The following VAV1 variants were observed in gnomAD, a reference collection of about 807,000 sequenced individuals.
The protein encoded by VAV1 is proto-oncogene vav.
VAV1 carries 33 observed loss-of-function variants against 128.1 expected under a neutral mutation model. The observed-to-expected ratio is 0.26, with a 90% CI of 0.20 to 0.34. The LOEUF (loss-of-function observed/expected upper bound fraction) is 0.34. VAV1 is among the 10% of genes least tolerant of loss of function. The probability of loss-of-function intolerance (pLI) is 1.00; values close to 1 mark genes in which losing one functional copy is unlikely to be tolerated. For missense variants in VAV1, 715 were observed against 1,093.7 expected (o/e 0.65, Z 4.88); for synonymous variants, 394 against 409.8 (o/e 0.96, Z 0.47).
At chr19:6,819,872 C>T (rs1216327938) in intron 1 of VAV1, among the ~76,000 whole-genome samples, 1 of 152,224 alleles carries the variant, frequency 6.6e-6, no homozygotes, top group African/African-American at 2.4e-5. Context: ...AGGTTTCTTT[C>T]TTTCTTTTTC....
intron 14 of VAV1, 27 bp downstream of exon 14, chr19:6,829,945 G>A (rs536732209): frequency 1.4e-5 from 22 of 1,613,684 alleles, no homozygotes; most frequent in Non-Finnish European, 1.9e-5. Flanking sequence ...GGAACTATGG[G>A]GTCCTCCACG....
At chr19:6,791,770 GA>G (rs1328523241) in intron 1 of VAV1, among the ~76,000 whole-genome samples, 1 of 152,170 alleles carries the variant, frequency 6.6e-6, no homozygotes, top group African/African-American at 2.4e-5. Flanking sequence ...AGGGGAAGAA[GA>G]AGAGGAGGGC....
At chr19:6,788,097 A>AC (rs1970935790) in intron 1 of VAV1, among the ~76,000 whole-genome samples, 1 of 151,852 alleles carries the variant, frequency 6.6e-6, no homozygotes, top group African/African-American at 2.4e-5. Context: ...AAACAAACAA[A>AC]AAAACATTAA....
rs145061892 is a variant in VAV1 at position 6,841,072 on chromosome 19, C to T, written c.1981-2063C>T. Among the ~76,000 whole-genome samples the T allele has an allele frequency of 1.2e-4, 18 of 151,898 alleles. No individual in the cohort carries two copies. The East Asian group carries it at 2.3e-3, about 20-fold the overall frequency. On this transcript the variant is annotated intron_variant, in intron 21 of 26. Coordinates refer to ENST00000602142, the MANE Select transcript of VAV1 (RefSeq NM_005428.4). ...GGAGTACAGGTGTGAGCCACCATGC[C>T]GGGCCTAATTTTTGTATTCTTTTGT...
intron 1 of VAV1, among the ~76,000 whole-genome samples, chr19:6,800,775 C>T (rs1228625031): frequency 7.4e-6 from 1 of 135,388 alleles, no homozygotes; most frequent in East Asian, 2.2e-4. Flanking sequence ...GCGCCTGTCA[C>T]CACGCCTGGC....
intron 1 of VAV1, among the ~76,000 whole-genome samples, chr19:6,796,142 T>C (rs1343213990): frequency 1.3e-5 from 2 of 152,154 alleles, no homozygotes; most frequent in East Asian, 1.9e-4. Flanking sequence ...CACCATTGCA[T>C]TGGGGATTAT....
chr19:6,821,527 G>C (rs1971782758), intron 2 of VAV1, 95 bp from the exon 3 acceptor site: 1 of 1,455,674 alleles, frequency 6.9e-7, no homozygotes. Context: ...AGAGGCATGG[G>C]ATCTAGCGCC....
chr19:6,774,214 G>A (rs1056488157), intron 1 of VAV1, among the ~76,000 whole-genome samples: 3 of 152,098 alleles, frequency 2.0e-5, no homozygotes, highest in South Asian at 2.1e-4. Flanking sequence ...TGCAAGCTCC[G>A]CCTCCCAGGT....
At chr19:6,806,488 A>G (rs978470364) in intron 1 of VAV1, among the ~76,000 whole-genome samples, 1 of 152,180 alleles carries the variant, frequency 6.6e-6, no homozygotes, top group African/African-American at 2.4e-5. Flanking sequence ...AGCTCCAACA[A>G]TGTCATCAAG....
intron 1 of VAV1, among the ~76,000 whole-genome samples, chr19:6,790,279 G>A (rs1043521974): frequency 2.6e-5 from 4 of 152,194 alleles, no homozygotes; most frequent in African/African-American, 9.6e-5. Flanking sequence ...ACTGATTGCT[G>A]GGGTTACAGC....
At chr19:6,854,232 A>T (rs1972739218) in intron 26 of VAV1, 134 bp downstream of exon 26, 1 of 1,197,882 alleles carries the variant, frequency 8.3e-7, no homozygotes, top group African/African-American at 1.5e-5. Context: ...GAAGGAAGGG[A>T]CACAGGGATG....
rs150115567 is a variant in VAV1, at chr19:6,782,955, G to T, written c.204+9944G>T. 1.1e-3 allele frequency among the ~76,000 whole-genome samples: 169 copies of T among 152,158 alleles called. 1 individual carries two copies. The highest frequency in any genetic ancestry group is 3.4e-3 in the Middle Eastern group (1 of 294). On this transcript the variant is annotated intron_variant, in intron 1 of 26. Transcript: ENST00000602142. ...CCAGCACCTTGGGAGGCCAAGGCAG[G>T]TGGATCATGAGGTCAGGAGTTTGAA...
At chr19:6,856,978 G>A (rs1972819842) in intron 26 of VAV1, 76 bp from the exon 27 acceptor site, 9 of 1,386,742 alleles carry the variant, frequency 6.5e-6, no homozygotes, top group Admixed American at 1.7e-5. Context: ...AGGTGGGAGG[G>A]AGCCTGCCTG....
intron 1 of VAV1, among the ~76,000 whole-genome samples, chr19:6,814,671 C>CTTTCTTTCTTTCTTT (rs540074087): frequency 0.032 from 816 of 25,700 alleles, 66 homozygotes; most frequent in Admixed American, 0.05. Flanking sequence ...TTCCTTCCTT[C>CTTTCTTTCTTTCTTT]CTTTCTTTCT....
chr19:6,834,283 G>A (rs563291582), intron 19 of VAV1, among the ~76,000 whole-genome samples: 238 of 150,838 alleles, frequency 1.6e-3, no homozygotes, highest in Admixed American at 2.7e-3. Flanking sequence ...TTGCTGTGTC[G>A]CCCAGGCTGG....
At chr19:6,831,952 A>G (rs1972066860) in intron 14 of VAV1, 139 bp from the exon 15 acceptor site, 2 of 655,456 alleles carry the variant, frequency 3.1e-6, no homozygotes, top group Admixed American at 2.9e-5. Context: ...GCCCTTTTAC[A>G]AGGATATCCA....
chr19:6,809,046 T>C (rs1389884819), intron 1 of VAV1, among the ~76,000 whole-genome samples: 1 of 150,816 alleles, frequency 6.6e-6, no homozygotes, highest in Non-Finnish European at 1.5e-5. Context: ...CCAACCCAGA[T>C]ACAAAAGATG....
At chr19:6,833,822 T>A in intron 18 of VAV1, 86 bp from the exon 19 acceptor site, 5 of 1,613,684 alleles carry the variant, frequency 3.1e-6, no homozygotes, top group South Asian at 2.2e-5. Context: ...CTGGGCAGGA[T>A]CCTTTGTGGG....
chr19:6,836,399 A>G, intron 19 of VAV1, 33 bp from the exon 20 acceptor site: 2 of 1,590,450 alleles, frequency 1.3e-6, no homozygotes, highest in Non-Finnish European at 1.7e-6. Flanking sequence ...GTTGACTGCC[A>G]ACCACCCTGT....
Sources: allele counts gnomAD v4.1 joint callset (sites outside exome capture counted in the v4.1 genomes callset), GRCh38; gene constraint gnomAD v4.1.1; transcripts MANE v1.5; gene names NCBI Gene and HGNC (gene_info 2026-07-23, HGNC 2026-07-21).